Variants in CXCL12 observed in about 807,000 individuals in gnomAD.
CXCL12 encodes stromal cell-derived factor 1.
CXCL12 carries 4 observed loss-of-function variants against 10.7 expected under a neutral mutation model. That is an observed-to-expected ratio of 0.37 (90% CI 0.18 to 0.86). The LOEUF (loss-of-function observed/expected upper bound fraction) is 0.86, where lower values mean the gene tolerates loss of function less well. CXCL12 is among the 40% of genes least tolerant of loss of function. The pLI is 0.43. For synonymous variants in CXCL12, 54 were observed against 45.4 expected (o/e 1.19, Z -0.77); for missense variants, 122 against 110.4 (o/e 1.10, Z -0.47).
intron 1 of CXCL12, among the ~76,000 whole-genome samples, chr10:44,384,579 AGCGGGAAGGCAGTGGGTGGAGG>A (rs1839738995): frequency 6.6e-6 from 1 of 152,154 alleles, no homozygotes; most frequent in South Asian, 2.1e-4. Flanking sequence ...CCGAGCCCGC[AGCGGGAAGGCAGTGGGTGGAGG>A]GTGGGCAGGC....
chr10:44,383,939 T>A (rs1405555294), intron 1 of CXCL12, among the ~76,000 whole-genome samples: 1 of 152,234 alleles, frequency 6.6e-6, no homozygotes, highest in Non-Finnish European at 1.5e-5. Flanking sequence ...CTCAGCGGCC[T>A]GAGCCACAGG....
Position 44,377,886 on chromosome 10 carries a change from C to G in CXCL12, c.*747G>C, listed in dbSNP as rs770589144. 3.2e-6 allele frequency: 5 copies of G among 1,573,698 alleles called. No homozygotes were observed. In the East Asian group the frequency reaches 1.1e-4, roughly 36 times the overall value. On this transcript the variant is annotated 3_prime_UTR_variant, in exon 3 of 3. Coordinates refer to ENST00000343575, the MANE Select transcript of CXCL12 (RefSeq NM_199168.4). ...GCCCCAGCAATCACCCTCTTCCCGG[C>G]TGGTGCGGCGCTGATCAGGCTACAG... is the stretch of plus-strand genomic sequence containing the variant.
downstream of CXCL12, among the ~76,000 whole-genome samples, chr10:44,376,651 T>C (rs922216369): frequency 6.6e-6 from 1 of 152,216 alleles, no homozygotes; most frequent in Non-Finnish European, 1.5e-5. Flanking sequence ...CTCGTGACTG[T>C]CACATTAAAA....
In CXCL12 at chr10:44,377,875, C is replaced by A; in HGVS notation, c.*758G>T. Reference sequence around the variant, plus strand: ...GCAGGGCACGAGCCCCAGCAATCACCCTCTTCCCGGCTGGTGCGGCGCTGA... The same window carrying A: ...GCAGGGCACGAGCCCCAGCAATCACACTCTTCCCGGCTGGTGCGGCGCTGA... On this transcript the variant is annotated 3_prime_UTR_variant, in exon 3 of 3. Transcript: ENST00000343575. The A allele has an allele frequency of 6.3e-7, 1 of 1,581,086 alleles. No individual in the cohort carries two copies. Among genetic ancestry groups the A allele is most frequent in the Non-Finnish European group, 8.5e-7 (1 of 1,171,802 alleles).
At chr10:44,382,841 C>T (rs1003917197) in intron 1 of CXCL12, among the ~76,000 whole-genome samples, 2 of 152,214 alleles carry the variant, frequency 1.3e-5, no homozygotes, top group Admixed American at 6.5e-5. Context: ...AACATGGTCT[C>T]GTGTGTACCT....
At chr10:44,374,369 TC>T (rs1387119276), downstream of CXCL12, 2 of 437,846 alleles carry the variant, frequency 4.6e-6, no homozygotes, top group Non-Finnish European at 9.2e-6. Flanking sequence ...TTGTCAAGAG[TC>T]CCATGGACTA....
chr10:44,375,758 G>C (rs1839432163), downstream of CXCL12: 1 of 1,217,348 alleles, frequency 8.2e-7, no homozygotes. Flanking sequence ...ACCAACAAGG[G>C]CCTTAAAAAG....
intron 1 of CXCL12, among the ~76,000 whole-genome samples, chr10:44,384,397 G>C (rs1839731702): frequency 6.6e-6 from 1 of 152,194 alleles, no homozygotes; most frequent in Non-Finnish European, 1.5e-5. Context: ...GCCCCGCGAG[G>C]GTGTGGGGAG....
At chr10:44,382,171 T>G (rs970920193) in intron 1 of CXCL12, among the ~76,000 whole-genome samples, 11 of 152,060 alleles carry the variant, frequency 7.2e-5, no homozygotes, top group Non-Finnish European at 1.3e-4. Flanking sequence ...AGCATCAGGG[T>G]GCTGGTGACT....
chr10:44,372,951 C>T, downstream of CXCL12: 5 of 1,535,998 alleles, frequency 3.3e-6, no homozygotes, highest in South Asian at 1.2e-5. Context: ...GGCTCTCCAC[C>T]CTAGGGCTGA....
downstream of CXCL12, among the ~76,000 whole-genome samples, chr10:44,375,155 C>T (rs1000524471): frequency 2.6e-5 from 4 of 152,198 alleles, no homozygotes; most frequent in African/African-American, 7.2e-5. Context: ...CTGTCCTCCA[C>T]GTGGGGGACC....
At chr10:44,375,887 T>C, downstream of CXCL12, 2 of 1,605,790 alleles carry the variant, frequency 1.2e-6, no homozygotes, top group Non-Finnish European at 1.7e-6. Flanking sequence ...CGAGCAAATT[T>C]ACAAAGCGCC....
intron 1 of CXCL12, among the ~76,000 whole-genome samples, chr10:44,381,939 T>C (rs1839645691): frequency 6.6e-6 from 1 of 152,234 alleles, no homozygotes; most frequent in African/African-American, 2.4e-5. Context: ...TCTGAAATTC[T>C]GCACCTTTGG....
At chr10:44,371,351 C>A, downstream of CXCL12, 1 of 484,518 alleles carries the variant, frequency 2.1e-6, no homozygotes, top group Non-Finnish European at 4.1e-6. Context: ...GGATTGGGGG[C>A]AGGTACATCC....
chr10:44,385,064 G>A lies in CXCL12; in HGVS notation c.-59C>T. ...GCGGGTCGGGGGCCGGACGCCGAGC[G>A]GGCAATGCGGCTGACGGAGAGTGAA... On this transcript the variant is annotated 5_prime_UTR_variant, in exon 1 of 3. Transcript: ENST00000343575. 2 of 1,283,660 alleles carry A rather than the reference G, an allele frequency of 1.6e-6. No homozygotes were observed. Among genetic ancestry groups the A allele is most frequent in the Non-Finnish European group, 2.1e-6 (2 of 964,336 alleles). 79.5% of individuals were successfully genotyped at this position (1,283,660 alleles called of 1,614,324 possible).
downstream of CXCL12, chr10:44,374,881 C>T: frequency 2.8e-6 from 1 of 361,918 alleles, no homozygotes; most frequent in South Asian, 2.1e-5. Flanking sequence ...GAAATGGGGT[C>T]CTTGCTCTTC....
At chr10:44,378,747 T>A (rs1276880704) in intron 2 of CXCL12, 24 bp from the exon 3 acceptor site, 4 of 1,613,000 alleles carry the variant, frequency 2.5e-6, no homozygotes, top group Non-Finnish European at 3.4e-6. Flanking sequence ...ATGGCAACAG[T>A]GTGCGGCTGC....
chr10:44,382,875 T>C (rs1180592416), intron 1 of CXCL12, among the ~76,000 whole-genome samples: 2 of 152,206 alleles, frequency 1.3e-5, no homozygotes, highest in African/African-American at 4.8e-5. Context: ...CTCCAGCTTT[T>C]TGTCAGTAAG....
In CXCL12 at chr10:44,378,654, C is replaced by T. The variant is rs1839533793; in HGVS notation, c.249G>A (p.Leu83=). ...DPKLKWIQEY[L]EKALNK ...GTGCTTACTTGTTTAAAGCTTTCTC[C>T]AGGTACTCCTGAATCCACTTTAGCT... The change falls in exon 3 of 3, where the codon CTG becomes CTA. Residue 83 remains leucine (L), a synonymous_variant. Transcript: ENST00000343575. 1 of 1,614,196 alleles carries T rather than the reference C, an allele frequency of 6.2e-7. No homozygotes were observed. The highest frequency in any genetic ancestry group is 8.5e-7 in the Non-Finnish European group (1 of 1,180,044).
Sources: allele counts gnomAD v4.1 joint callset (sites outside exome capture counted in the v4.1 genomes callset), GRCh38; gene constraint gnomAD v4.1.1; transcripts MANE v1.5; gene names NCBI Gene and HGNC (gene_info 2026-07-23, HGNC 2026-07-21).